COL24A1: variants seen among roughly 807,000 people sequenced by gnomAD.
The protein encoded by COL24A1 is collagen type XXIV alpha 1 chain.
Under a neutral mutation model 253.9 loss-of-function variants are expected in COL24A1, and 224 were observed. The observed-to-expected ratio is 0.88, with a 90% CI of 0.79 to 0.99. COL24A1 has a LOEUF of 0.99. COL24A1 is among the 50% of genes least tolerant of loss of function. COL24A1 has a pLI of 0.00. For synonymous variants in COL24A1, 685 were observed against 673.7 expected, an observed-to-expected ratio of 1.02 and a Z score of -0.26; for missense variants, 2,131 against 2,068.5, an observed-to-expected ratio of 1.03 and a Z score of -0.59.
intron 24 of COL24A1, 151 bp from the exon 25 acceptor site, chr1:85,911,584 T>G: frequency 1.5e-6 from 1 of 687,770 alleles, no homozygotes; most frequent in South Asian, 1.7e-5. Context: ...AGCTATGCAG[T>G]CTGTGACTTC....
At chr1:86,002,114 C>T (rs1695473376) in intron 19 of COL24A1, among the ~76,000 whole-genome samples, 1 of 152,180 alleles carries the variant, frequency 6.6e-6, no homozygotes, top group Non-Finnish European at 1.5e-5. Context: ...TAAAGAGGAG[C>T]ATAAAAGGCA....
chr1:85,858,551 A>G (rs895896339), intron 37 of COL24A1, among the ~76,000 whole-genome samples: 1 of 151,598 alleles, frequency 6.6e-6, no homozygotes, highest in African/African-American at 2.4e-5. Context: ...TTCTGTGACC[A>G]CCCTAAATAG....
At position 85,823,866 on chromosome 1, in the gene COL24A1, T is replaced by C. The variant is rs569361951; in HGVS notation, c.3682-128A>G. 33 of 796,602 alleles carry C rather than the reference T, an allele frequency of 4.1e-5. 1 individual carries two copies. The East Asian group carries it at 8.0e-4, about 19-fold the overall frequency. The allele number at this position is 796,602 out of a possible 1,614,324, so 49.3% of individuals were successfully genotyped here. On this transcript the variant is annotated intron_variant, in intron 43 of 59. Coordinates refer to ENST00000370571, the MANE Select transcript of COL24A1 (RefSeq NM_152890.7). Reference sequence around the variant, plus strand: ...ACTTAAATGTCGTAGAGATTATGATTCTTCTTGGAAATAGAAAAGAACATA... The same window carrying C: ...ACTTAAATGTCGTAGAGATTATGATCCTTCTTGGAAATAGAAAAGAACATA...
chr1:86,110,815 G>A (rs916891562), intron 5 of COL24A1, among the ~76,000 whole-genome samples: 2 of 150,398 alleles, frequency 1.3e-5, no homozygotes, highest in African/African-American at 2.4e-5. Context: ...CACCATGCCC[G>A]ACCCCCGCCC....
intron 5 of COL24A1, among the ~76,000 whole-genome samples, chr1:86,102,739 AG>A (rs1704578275): frequency 6.6e-6 from 1 of 152,174 alleles, no homozygotes; most frequent in South Asian, 2.1e-4. Context: ...CTGTAGTCCA[AG>A]AGAGTGGTTG....
chr1:85,771,468 A>G (rs1667951625), intron 53 of COL24A1, among the ~76,000 whole-genome samples: 1 of 152,136 alleles, frequency 6.6e-6, no homozygotes, highest in Non-Finnish European at 1.5e-5. Flanking sequence ...TCGATGGTGT[A>G]TATGTGCCAC....
intron 47 of COL24A1, among the ~76,000 whole-genome samples, chr1:85,805,565 G>C (rs894376223): frequency 1.3e-5 from 2 of 152,136 alleles, no homozygotes; most frequent in Admixed American, 1.3e-4. Flanking sequence ...AAAATATGGA[G>C]TTTTAGACTG....
intron 3 of COL24A1, among the ~76,000 whole-genome samples, chr1:86,121,223 TG>T (rs1647294664): frequency 6.6e-6 from 1 of 152,082 alleles, no homozygotes; most frequent in Admixed American, 6.6e-5. Context: ...CAAACCAACA[TG>T]GCACATGTAT....
chr1:85,922,331 C>G (rs181069349), intron 24 of COL24A1, among the ~76,000 whole-genome samples: 1 of 152,150 alleles, frequency 6.6e-6, no homozygotes, highest in South Asian at 2.1e-4. Context: ...CACAAAGATA[C>G]TCCTTGAGAA....
intron 37 of COL24A1, among the ~76,000 whole-genome samples, chr1:85,849,707 T>C (rs1009101096): frequency 6.6e-6 from 1 of 152,180 alleles, no homozygotes; most frequent in African/African-American, 2.4e-5. Context: ...AGAGAGAATG[T>C]AATTAAAGTT....
chr1:85,733,920 T>TG lies in COL24A1; in HGVS notation c.4998+828dup, dbSNP rs397980691. Among the ~76,000 whole-genome samples the TG allele has an allele frequency of 7.3e-5, 11 of 150,282 alleles. No individual in the cohort carries two copies. In the East Asian group the frequency reaches 2.1e-3, roughly 29 times the overall value. ...AATTTAATTTAATTTTTTTTTTTTT[T>TG]GAGACAGAGTCTTACTCTGCTGCCC... On this transcript the variant is annotated intron_variant, in intron 59 of 59. Transcript: ENST00000370571.
chr1:85,829,610 C>G (rs1434895117), intron 43 of COL24A1, among the ~76,000 whole-genome samples: 1 of 151,924 alleles, frequency 6.6e-6, no homozygotes, highest in Non-Finnish European at 1.5e-5. Context: ...TTCTTGGAGG[C>G]TTTGCTCATT....
intron 52 of COL24A1, among the ~76,000 whole-genome samples, chr1:85,779,028 T>TG (rs113824745): frequency 3.9e-5 from 6 of 152,186 alleles, no homozygotes; most frequent in South Asian, 2.1e-4. Flanking sequence ...TTTAAAGAGA[T>TG]GGGGTCTCAC....
At chr1:86,128,025 T>C (rs900859880) in intron 2 of COL24A1, among the ~76,000 whole-genome samples, 1 of 152,076 alleles carries the variant, frequency 6.6e-6, no homozygotes, top group Non-Finnish European at 1.5e-5. Context: ...TGATATTGTA[T>C]GACAAACTTT....
intron 57 of COL24A1, among the ~76,000 whole-genome samples, chr1:85,740,812 A>G (rs1433989803): frequency 4.7e-5 from 7 of 150,258 alleles, no homozygotes; most frequent in African/African-American, 1.7e-4. Flanking sequence ...GTGTTCCTAT[A>G]GAAGAATTAT....
At chr1:86,056,640 G>A (rs1559140997) in intron 10 of COL24A1, among the ~76,000 whole-genome samples, 1 of 152,110 alleles carries the variant, frequency 6.6e-6, no homozygotes, top group Non-Finnish European at 1.5e-5. Flanking sequence ...CAGATCACAA[G>A]GTCAGGGGTT....
chr1:85,914,930 T>C (rs1204689773), intron 24 of COL24A1, among the ~76,000 whole-genome samples: 1 of 152,170 alleles, frequency 6.6e-6, no homozygotes, highest in Non-Finnish European at 1.5e-5. Flanking sequence ...AGGTTAAGTA[T>C]GGTTTAAAGA....
chr1:85,857,836 A>T (rs1164194943), intron 37 of COL24A1, among the ~76,000 whole-genome samples: 1 of 152,124 alleles, frequency 6.6e-6, no homozygotes, highest in Non-Finnish European at 1.5e-5. Context: ...CATTCCACTA[A>T]TCAGTAAGTA....
rs1553253949 is a variant in COL24A1 at position 85,996,496 on chromosome 1, C to CGAAACCCCGTCTCTGCTAAA, written c.2311-8843_2311-8842insTTTAGCAGAGACGGGGTTTC. Among the ~76,000 whole-genome samples, 44 of 150,552 alleles carry CGAAACCCCGTCTCTGCTAAA rather than the reference C, an allele frequency of 2.9e-4. 2 individuals are homozygous for CGAAACCCCGTCTCTGCTAAA. Among genetic ancestry groups the CGAAACCCCGTCTCTGCTAAA allele is most frequent in the South Asian group, 6.4e-4 (3 of 4,662 alleles). ...TTTGAGACCAGCCTGACCAACATGG[C>CGAAACCCCGTCTCTGCTAAA]ATGGTGGTGGGTTCCTGAAATCCCA... On this transcript the variant is annotated intron_variant, in intron 19 of 59. Transcript: ENST00000370571.
Sources: allele counts gnomAD v4.1 joint callset (sites outside exome capture counted in the v4.1 genomes callset), GRCh38; gene constraint gnomAD v4.1.1; transcripts MANE v1.5; gene names NCBI Gene and HGNC (gene_info 2026-07-23, HGNC 2026-07-21).